Variants in SH3RF2 observed in about 807,000 individuals in gnomAD.
SH3RF2 encodes the protein SH3 domain containing ring finger 2.
SH3RF2 carries 43 observed loss-of-function variants against 59.0 expected under a neutral mutation model. The ratio of observed to expected loss-of-function variants is 0.73; its 90% CI spans 0.57 to 0.94. The LOEUF (loss-of-function observed/expected upper bound fraction) is 0.94. Ranked by LOEUF, SH3RF2 falls within the 40% of genes least tolerant of loss-of-function variation. The pLI is 0.00. For missense variants in SH3RF2, 930 were observed against 940.1 expected, an observed-to-expected ratio of 0.99 and a Z score of 0.14; for synonymous variants, 391 against 391.5, an observed-to-expected ratio of 1.00 and a Z score of 0.01.
intron 2 of SH3RF2, among the ~76,000 whole-genome samples, chr5:145,941,825 A>G (rs1178126797): frequency 6.6e-6 from 1 of 152,190 alleles, no homozygotes; most frequent in Non-Finnish European, 1.5e-5. Flanking sequence ...TGTGAGAAAT[A>G]AGTGAGATGA....
At position 145,937,946 on chromosome 5, in the gene SH3RF2, A is replaced by C. The variant is rs763274906; in HGVS notation, c.18A>C (p.Leu6Phe). The C allele has an allele frequency of 1.9e-6, 3 of 1,613,632 alleles. No homozygotes were observed. In the South Asian group the frequency reaches 3.3e-5, roughly 18 times the overall value. MDDLT[L>F]LDLLECPVCF... Reference sequence around the variant, plus strand: ...GAAATAAAATGGATGATTTGACGTTACTTGATCTTCTGGAGTGCCCTGTGT... The same window carrying C: ...GAAATAAAATGGATGATTTGACGTTCCTTGATCTTCTGGAGTGCCCTGTGT... Residue 6 changes from leucine to phenylalanine, a missense_variant, in exon 2 of 10, where the codon TTA becomes TTC. Leu to Phe is a conservative substitution (Grantham distance 22). Coordinates refer to ENST00000359120, the MANE Select transcript of SH3RF2 (RefSeq NM_152550.4).
At chr5:145,961,263 A>G (rs1343619703) in intron 2 of SH3RF2, among the ~76,000 whole-genome samples, 1 of 138,286 alleles carries the variant, frequency 7.2e-6, no homozygotes, top group Non-Finnish European at 1.5e-5. Context: ...TTCAGTTGTC[A>G]CTTATGACAA....
intron 5 of SH3RF2, among the ~76,000 whole-genome samples, chr5:146,018,190 C>T (rs2149996011): frequency 6.6e-6 from 1 of 152,156 alleles, no homozygotes; most frequent in East Asian, 1.9e-4. Flanking sequence ...TTAATGTACC[C>T]ATCACCGGAG....
At chr5:146,064,742 GGAA>G (rs1763030561), downstream of SH3RF2, among the ~76,000 whole-genome samples, 1 of 7,066 alleles carries the variant, frequency 1.4e-4, no homozygotes, top group Non-Finnish European at 5.7e-4. Context: ...AAGGAAGGAA[GGAA>G]GGAAGGAAGG....
intron 5 of SH3RF2, among the ~76,000 whole-genome samples, chr5:146,036,488 A>T (rs1761941372): frequency 6.6e-6 from 1 of 152,194 alleles, no homozygotes; most frequent in Non-Finnish European, 1.5e-5. Flanking sequence ...TGAGGTCAGG[A>T]GTTCGAGACC....
In SH3RF2 at chr5:145,967,666, CT is replaced by C. The variant is rs1278588151; in HGVS notation, c.378+29368del. Among the ~76,000 whole-genome samples the C allele has an allele frequency of 2.6e-5, 4 of 151,942 alleles. No homozygotes were observed. The South Asian group carries it at 6.2e-4, about 24-fold the overall frequency. ...GAGTTATTTCTTTTTTTCTTTCTTTCTTTTTTTTCTGAGACAGAGTCTCACT... is the reference window on the plus strand; with the variant it reads ...GAGTTATTTCTTTTTTTCTTTCTTTCTTTTTTTCTGAGACAGAGTCTCACT... On this transcript the variant is annotated intron_variant, in intron 2 of 9. Transcript: ENST00000359120.
intron 7 of SH3RF2, 190 bp from the exon 8 acceptor site, chr5:146,055,791 G>A: frequency 1.6e-6 from 1 of 624,952 alleles, no homozygotes; most frequent in Non-Finnish European, 2.8e-6. Context: ...CAGTTATCCG[G>A]GTGTAGGGAG....
chr5:146,024,513 G>A (rs776591636), intron 5 of SH3RF2, among the ~76,000 whole-genome samples: 10 of 152,074 alleles, frequency 6.6e-5, no homozygotes, highest in Non-Finnish European at 8.8e-5. Context: ...TTCATTCTGC[G>A]TGTTGCCTTT....
chr5:145,995,152 T>G (rs960179681), intron 2 of SH3RF2, among the ~76,000 whole-genome samples: 5 of 152,140 alleles, frequency 3.3e-5, no homozygotes, highest in African/African-American at 1.2e-4. Context: ...TCGTCCTCAG[T>G]ATTCAAGATG....
At chr5:146,059,549 CGT>C (rs1300107074) in intron 8 of SH3RF2, among the ~76,000 whole-genome samples, 31 of 149,834 alleles carry the variant, frequency 2.1e-4, no homozygotes, top group African/African-American at 7.0e-4. Context: ...TGTGTGTGTA[CGT>C]GTGTGTGTGC....
At chr5:145,940,616 T>G (rs1757780785) in intron 2 of SH3RF2, among the ~76,000 whole-genome samples, 1 of 152,182 alleles carries the variant, frequency 6.6e-6, no homozygotes, top group Non-Finnish European at 1.5e-5. Flanking sequence ...CCCACCTTCC[T>G]CCAGGATAGT....
At chr5:146,059,615 C>T (rs1214234161) in intron 8 of SH3RF2, among the ~76,000 whole-genome samples, 3 of 151,924 alleles carry the variant, frequency 2.0e-5, no homozygotes, top group African/African-American at 7.3e-5. Context: ...TCTGACAGCC[C>T]CCCTACACAC....
chr5:145,948,425 C>T (rs888312900), intron 2 of SH3RF2, among the ~76,000 whole-genome samples: 16 of 152,184 alleles, frequency 1.1e-4, no homozygotes, highest in Admixed American at 8.5e-4. Context: ...CAACACCGCT[C>T]GCTTTGGAAA....
chr5:145,971,189 A>T (rs1759067670), intron 2 of SH3RF2, among the ~76,000 whole-genome samples: 2 of 152,164 alleles, frequency 1.3e-5, no homozygotes, highest in African/African-American at 2.4e-5. Flanking sequence ...GCAAGGACCG[A>T]TGTCTGTTAT....
intron 5 of SH3RF2, among the ~76,000 whole-genome samples, chr5:146,041,945 TAAATA>T (rs1400372225): frequency 6.6e-6 from 1 of 151,928 alleles, no homozygotes; most frequent in Non-Finnish European, 1.5e-5. Flanking sequence ...AAATAAAAAA[TAAATA>T]AAATAAAATG....
At chr5:145,937,588 T>C (rs1757639621) in intron 1 of SH3RF2, among the ~76,000 whole-genome samples, 1 of 152,206 alleles carries the variant, frequency 6.6e-6, no homozygotes, top group Non-Finnish European at 1.5e-5. Flanking sequence ...CCTGCTTTCC[T>C]GTCCACATAG....
At chr5:145,951,976 C>T (rs142377067) in intron 2 of SH3RF2, among the ~76,000 whole-genome samples, 1 of 152,260 alleles carries the variant, frequency 6.6e-6, no homozygotes, top group East Asian at 1.9e-4. Context: ...AGTCAACCTC[C>T]CTGAGCCCCA....
intron 2 of SH3RF2, among the ~76,000 whole-genome samples, chr5:145,949,843 T>C (rs1758127879): frequency 6.6e-6 from 1 of 152,256 alleles, no homozygotes; most frequent in Non-Finnish European, 1.5e-5. Context: ...CAGTTAAACA[T>C]ATTTCTTTTT....
chr5:146,069,982 G>GAAA (rs11430700), intron 9 of SH3RF2, among the ~76,000 whole-genome samples: 4 of 143,276 alleles, frequency 2.8e-5, no homozygotes, highest in African/African-American at 7.9e-5. Flanking sequence ...AATGGAAACT[G>GAAA]AAAAAAAAAA....
Sources: allele counts gnomAD v4.1 joint callset (sites outside exome capture counted in the v4.1 genomes callset), GRCh38; gene constraint gnomAD v4.1.1; transcripts MANE v1.5; gene names NCBI Gene and HGNC (gene_info 2026-07-23, HGNC 2026-07-21).